Variants in CRADD observed in about 807,000 individuals in gnomAD.
CRADD encodes CARD and death domain containing adaptor protein, also known as death domain-containing protein CRADD.
A neutral mutation model predicts 15.5 loss-of-function variants in CRADD; 9 were observed. That is an observed-to-expected ratio of 0.58 (90% confidence interval 0.35 to 1.01). The LOEUF is 1.01. CRADD is among the 50% of genes least tolerant of loss of function. CRADD has a pLI of 0.02. For synonymous variants in CRADD, 118 were observed against 107.6 expected (o/e 1.10, Z -0.60); for missense variants, 227 against 250.3 (o/e 0.91, Z 0.63).
chr12:93,820,977 AAG>A (rs1454699897), intron 2 of CRADD, among the ~76,000 whole-genome samples: 1 of 152,232 alleles, frequency 6.6e-6, no homozygotes, highest in Non-Finnish European at 1.5e-5. Context: ...TTAGCTCTTA[AAG>A]AGAGCTTAGA....
intron 2 of CRADD, among the ~76,000 whole-genome samples, chr12:93,727,381 A>C (rs899160891): frequency 6.6e-6 from 1 of 152,200 alleles, no homozygotes; most frequent in Admixed American, 6.5e-5. Flanking sequence ...AGTTCATCCA[A>C]GCTGGGAATC....
intron 2 of CRADD, among the ~76,000 whole-genome samples, chr12:93,711,257 C>T (rs1592913769): frequency 6.6e-6 from 1 of 151,816 alleles, no homozygotes; most frequent in East Asian, 1.9e-4. Flanking sequence ...AGGAAACAAG[C>T]CAGTTGCTCT....
intron 2 of CRADD, among the ~76,000 whole-genome samples, chr12:93,686,636 C>T (rs1280986162): frequency 6.6e-6 from 1 of 152,164 alleles, no homozygotes; most frequent in Non-Finnish European, 1.5e-5. Flanking sequence ...AAGATGGAGC[C>T]ATATCCTGGT....
intron 2 of CRADD, among the ~76,000 whole-genome samples, chr12:93,808,203 C>T (rs559252974): frequency 6.6e-6 from 1 of 151,910 alleles, no homozygotes; most frequent in Non-Finnish European, 1.5e-5. Flanking sequence ...TGTTCTCATG[C>T]TGCTAATAAA....
exon 3 of CRADD, chr12:93,894,073 G>T: frequency 1.4e-6 from 1 of 702,500 alleles, no homozygotes; most frequent in Non-Finnish European, 2.6e-6. Flanking sequence ...GAGGCCAAAG[G>T]ATTCTGTTAC....
intron 2 of CRADD, among the ~76,000 whole-genome samples, chr12:93,835,879 C>CT (rs1287495216): frequency 6.6e-6 from 1 of 152,154 alleles, no homozygotes. Flanking sequence ...CTCTGATCCA[C>CT]TGGGGTGATT....
intron 2 of CRADD, chr12:93,826,886 A>G (rs1421442075): frequency 6.6e-6 from 1 of 152,220 alleles, no homozygotes; most frequent in African/African-American, 2.4e-5. Flanking sequence ...GAAATGGTAG[A>G]ATATTGGCAA....
intron 2 of CRADD, among the ~76,000 whole-genome samples, chr12:93,752,258 T>C (rs900485681): frequency 6.6e-6 from 1 of 152,216 alleles, no homozygotes; most frequent in African/African-American, 2.4e-5. Context: ...ATGCTGACCA[T>C]CTGGCTAACT....
At chr12:93,747,428 T>C in intron 2 of CRADD, among the ~76,000 whole-genome samples, 1 of 151,964 alleles carries the variant, frequency 6.6e-6, no homozygotes. Context: ...ATTTCCCTAC[T>C]TTTTCTCTTT....
At chr12:93,766,962 A>C (rs1957032589) in intron 2 of CRADD, among the ~76,000 whole-genome samples, 8 of 152,190 alleles carry the variant, frequency 5.3e-5, no homozygotes, top group Admixed American at 5.2e-4. Context: ...GTGTGTGCCA[A>C]GGACTCGTGG....
chr12:93,770,595 A>G (rs1483989576), intron 2 of CRADD, among the ~76,000 whole-genome samples: 3 of 152,220 alleles, frequency 2.0e-5, no homozygotes, highest in Non-Finnish European at 4.4e-5. Flanking sequence ...AGCCTGTTCC[A>G]TAACATAAAT....
intron 2 of CRADD, among the ~76,000 whole-genome samples, chr12:93,845,661 A>G (rs1565936820): frequency 6.6e-6 from 1 of 152,118 alleles, no homozygotes; most frequent in Non-Finnish European, 1.5e-5. Flanking sequence ...CCAGTCCTAG[A>G]AAACTCAACC....
In CRADD at chr12:93,768,490, GT is replaced by G. The variant is rs567746073; in HGVS notation, c.299-81467del. On this transcript the variant is annotated intron_variant, in intron 2 of 2. Transcript: ENST00000332896. ...AATAAAATGTTTTAGGCAGCAGGTG[GT>G]TTTTTTTTTTTTATGAATCCTCACT... Among the ~76,000 whole-genome samples the G allele has an allele frequency of 4.7e-3, 682 of 143,580 alleles. 2 individuals carry two copies. Among genetic ancestry groups the G allele is most frequent in the Non-Finnish European group, 7.9e-3 (515 of 65,356 alleles). 94.2% of individuals were successfully genotyped at this position (143,580 alleles called of 152,430 possible). A position where few individuals can be genotyped will look rare whatever the true frequency, so the allele number is the denominator to read the frequency against.
intron 2 of CRADD, among the ~76,000 whole-genome samples, chr12:93,868,686 GCACACACACA>G (rs570970896): frequency 7.0e-6 from 1 of 142,828 alleles, no homozygotes; most frequent in South Asian, 2.2e-4. Flanking sequence ...TCTCTCTCTT[GCACACACACA>G]CACACACACA....
At chr12:93,743,971 A>G (rs985328977) in intron 2 of CRADD, among the ~76,000 whole-genome samples, 2 of 152,006 alleles carry the variant, frequency 1.3e-5, no homozygotes, top group East Asian at 3.8e-4. Context: ...AAATCACTAA[A>G]TAAAGATAAA....
At chr12:93,777,533 C>G (rs1205889330) in intron 2 of CRADD, among the ~76,000 whole-genome samples, 1 of 152,088 alleles carries the variant, frequency 6.6e-6, no homozygotes, top group Non-Finnish European at 1.5e-5. Context: ...CTAGGGGTCA[C>G]CAACGAAGAT....
At chr12:93,774,937 C>T (rs1325182114) in intron 2 of CRADD, among the ~76,000 whole-genome samples, 1 of 152,124 alleles carries the variant, frequency 6.6e-6, no homozygotes, top group Admixed American at 6.5e-5. Flanking sequence ...ATAAGGAAAG[C>T]TTTATGGAGG....
intron 2 of CRADD, among the ~76,000 whole-genome samples, chr12:93,752,259 C>T (rs996393898): frequency 2.6e-5 from 4 of 152,200 alleles, no homozygotes; most frequent in African/African-American, 9.6e-5. Context: ...TGCTGACCAT[C>T]TGGCTAACTC....
At chr12:93,690,438 C>T (rs117431713) in intron 2 of CRADD, among the ~76,000 whole-genome samples, 195 of 152,278 alleles carry the variant, frequency 1.3e-3, no homozygotes, top group Non-Finnish European at 1.7e-3. Context: ...GTAGATAAAA[C>T]GCTGGAGAGC....
Sources: allele counts gnomAD v4.1 joint callset (sites outside exome capture counted in the v4.1 genomes callset), GRCh38; gene constraint gnomAD v4.1.1; transcripts MANE v1.5; gene names NCBI Gene and HGNC (gene_info 2026-07-23, HGNC 2026-07-21).